The following CEP112 variants were observed in gnomAD, a reference collection of about 807,000 sequenced individuals.
CEP112 encodes the protein centrosomal protein 112.
Under a neutral mutation model 153.0 loss-of-function variants are expected in CEP112, and 127 were observed. That is an observed-to-expected ratio of 0.83 (90% CI 0.72 to 0.96). The LOEUF (loss-of-function observed/expected upper bound fraction) is 0.96, where lower values mean the gene tolerates loss of function less well. CEP112 is among the 40% of genes least tolerant of loss of function. The pLI is 0.00. For synonymous variants in CEP112, 358 were observed against 374.4 expected (o/e 0.96, Z 0.51); for missense variants, 1,089 against 1,101.2 (o/e 0.99, Z 0.16).
chr17:65,937,617 G>C (rs1233175178), intron 18 of CEP112, among the ~76,000 whole-genome samples: 1 of 97,606 alleles, frequency 1.0e-5, no homozygotes, highest in African/African-American at 3.5e-5. Context: ...GGAGGGAGGT[G>C]GGGGGGTCAG....
intron 19 of CEP112, among the ~76,000 whole-genome samples, chr17:65,916,248 AGAGTGTGTGT>A (rs1164940344): frequency 9.4e-5 from 10 of 106,254 alleles, no homozygotes; most frequent in African/African-American, 3.7e-4. Context: ...GTTTTGAAAA[AGAGTGTGTGT>A]GTGTGTGTGT....
chr17:66,044,235 T>C (rs1325056081), intron 12 of CEP112, among the ~76,000 whole-genome samples: 1 of 151,902 alleles, frequency 6.6e-6, no homozygotes, highest in Non-Finnish European at 1.5e-5. Flanking sequence ...ATAAATAAAA[T>C]ATACCTATGC....
chr17:65,847,735 G>A (rs1214461651), intron 21 of CEP112, among the ~76,000 whole-genome samples: 2 of 152,228 alleles, frequency 1.3e-5, no homozygotes, highest in Non-Finnish European at 2.9e-5. Context: ...GATGATTTCA[G>A]GTAATGCTAT....
intron 24 of CEP112, among the ~76,000 whole-genome samples, chr17:65,648,650 A>C (rs969615238): frequency 1.3e-5 from 2 of 152,236 alleles, no homozygotes; most frequent in Non-Finnish European, 2.9e-5. Flanking sequence ...GTCCGTAGAG[A>C]TAAAAATTCA....
intron 4 of CEP112, among the ~76,000 whole-genome samples, chr17:66,169,411 G>A (rs2072147827): frequency 6.6e-6 from 1 of 151,354 alleles, no homozygotes; most frequent in Admixed American, 6.6e-5. Context: ...GGCCTCCCGA[G>A]TAGCTGGGAC....
intron 20 of CEP112, among the ~76,000 whole-genome samples, chr17:65,888,198 G>A (rs986526693): frequency 6.6e-6 from 1 of 152,086 alleles, no homozygotes; most frequent in Non-Finnish European, 1.5e-5. Flanking sequence ...AATATGGTAC[G>A]TACAATAGCT....
intron 23 of CEP112, among the ~76,000 whole-genome samples, chr17:65,696,249 T>A (rs1156971313): frequency 6.6e-6 from 1 of 152,194 alleles, no homozygotes; most frequent in Non-Finnish European, 1.5e-5. Context: ...CTTGGTAAAA[T>A]GCTAATAGTG....
intron 17 of CEP112, among the ~76,000 whole-genome samples, chr17:65,995,367 G>A (rs2063747189): frequency 6.6e-6 from 1 of 152,118 alleles, no homozygotes; most frequent in Non-Finnish European, 1.5e-5. Flanking sequence ...AGGCAAAACT[G>A]GATCCTGTTC....
intron 23 of CEP112, among the ~76,000 whole-genome samples, chr17:65,736,458 T>A (rs952935): frequency 6.6e-6 from 1 of 151,978 alleles, no homozygotes; most frequent in Non-Finnish European, 1.5e-5. Flanking sequence ...GGAGAAAAGT[T>A]TGAATGGTGA....
At chr17:65,808,786 G>A (rs527792032) in intron 21 of CEP112, among the ~76,000 whole-genome samples, 4 of 152,088 alleles carry the variant, frequency 2.6e-5, no homozygotes, top group Admixed American at 6.5e-5. Context: ...TCCCAGTCAC[G>A]CTTCCTGTTA....
intron 24 of CEP112, among the ~76,000 whole-genome samples, chr17:65,669,555 T>C (rs541368450): frequency 6.6e-6 from 1 of 152,238 alleles, no homozygotes; most frequent in African/African-American, 2.4e-5. Context: ...ATTTACTGTA[T>C]GGGGAAGGCC....
chr17:66,067,672 A>C (rs567181965), intron 9 of CEP112, among the ~76,000 whole-genome samples: 55 of 152,344 alleles, frequency 3.6e-4, no homozygotes, highest in African/African-American at 1.3e-3. Flanking sequence ...AAAATTATTA[A>C]ATATACAAGA....
intron 18 of CEP112, among the ~76,000 whole-genome samples, chr17:65,950,699 C>CTATTATTATTAGTAGTAGTAG (rs57598697): frequency 0.011 from 1,581 of 147,176 alleles, 17 homozygotes; most frequent in African/African-American, 0.023. Flanking sequence ...GGATACATTA[C>CTATTATTATTAGTAGTAGTAG]TAGTAGTAGT....
intron 16 of CEP112, among the ~76,000 whole-genome samples, chr17:66,009,604 T>G (rs1487632492): frequency 2.6e-5 from 4 of 152,234 alleles, no homozygotes; most frequent in African/African-American, 9.6e-5. Flanking sequence ...CAGTTTTACA[T>G]TTAAGTCTTT....
Position 66,051,444 on chromosome 17 carries a change from T to C in CEP112, c.1218+2292A>G, listed in dbSNP as rs2066438197. Among the ~76,000 whole-genome samples, 5 of 150,958 alleles carry C rather than the reference T, an allele frequency of 3.3e-5. No individual in the cohort carries two copies. The South Asian group carries it at 1.0e-3, about 31-fold the overall frequency. Reference sequence around the variant, plus strand: ...TATGTATATTAATATTTCCAACAACTTACATTATATTGTACTACTGTTATT... The same window carrying C: ...TATGTATATTAATATTTCCAACAACCTACATTATATTGTACTACTGTTATT... On this transcript the variant is annotated intron_variant, in intron 12 of 26. Coordinates refer to ENST00000535342, the MANE Select transcript of CEP112 (RefSeq NM_001199165.4).
At chr17:66,147,059 T>G (rs1212015747) in intron 4 of CEP112, among the ~76,000 whole-genome samples, 1 of 152,128 alleles carries the variant, frequency 6.6e-6, no homozygotes, top group African/African-American at 2.4e-5. Flanking sequence ...ATAATGTAAT[T>G]CTATTTTTAA....
intron 20 of CEP112, among the ~76,000 whole-genome samples, chr17:65,857,485 C>T (rs2058164817): frequency 6.6e-6 from 1 of 152,172 alleles, no homozygotes; most frequent in South Asian, 2.1e-4. Flanking sequence ...CGTGATCCGC[C>T]CACCTCAGCC....
chr17:65,696,515 T>C (rs907456902), intron 23 of CEP112, among the ~76,000 whole-genome samples: 1 of 151,934 alleles, frequency 6.6e-6, no homozygotes, highest in Non-Finnish European at 1.5e-5. Context: ...GTCGGTAGAG[T>C]TGTGGATTTT....
chr17:65,956,409 T>TACATACACACACACACACAC (rs1006922424), intron 18 of CEP112, among the ~76,000 whole-genome samples: 15 of 146,616 alleles, frequency 1.0e-4, no homozygotes, highest in African/African-American at 3.5e-4. Flanking sequence ...CATACATACA[T>TACATACACACACACACACAC]ACACACACAC....
Sources: allele counts gnomAD v4.1 joint callset (sites outside exome capture counted in the v4.1 genomes callset), GRCh38; gene constraint gnomAD v4.1.1; transcripts MANE v1.5; gene names NCBI Gene and HGNC (gene_info 2026-07-23, HGNC 2026-07-21).